The following GRM1 variants were observed in gnomAD, a reference collection of about 807,000 sequenced individuals.
GRM1 encodes the protein glutamate metabotropic receptor 1, also known as metabotropic glutamate receptor 1.
Under a neutral mutation model 90.9 loss-of-function variants are expected in GRM1, and 33 were observed. The observed-to-expected ratio is 0.36, with a 90% CI of 0.28 to 0.49. The LOEUF is 0.49. GRM1 is among the 20% of genes least tolerant of loss of function. The pLI is 0.99. For missense variants in GRM1, 1,190 were observed against 1,534.3 expected (o/e 0.78, Z 3.75); for synonymous variants, 700 against 613.2 (o/e 1.14, Z -2.09).
At chr6:146,196,815 A>G (rs1370979902) in intron 2 of GRM1, among the ~76,000 whole-genome samples, 3 of 152,154 alleles carry the variant, frequency 2.0e-5, no homozygotes, top group Non-Finnish European at 2.9e-5. Flanking sequence ...TTTATATATA[A>G]TAATTGTGAA....
intron 1 of GRM1, among the ~76,000 whole-genome samples, chr6:146,135,683 T>TA (rs1776592215): frequency 6.6e-6 from 1 of 152,178 alleles, no homozygotes; most frequent in South Asian, 2.1e-4. Context: ...AGGGTATATA[T>TA]TTATGGAGTA....
intron 5 of GRM1, among the ~76,000 whole-genome samples, chr6:146,377,458 T>C (rs540497086): frequency 1.9e-4 from 29 of 152,302 alleles, no homozygotes; most frequent in Non-Finnish European, 3.8e-4. Flanking sequence ...GGTGGCGTTA[T>C]GTCCTTGCCC....
intron 2 of GRM1, among the ~76,000 whole-genome samples, chr6:146,253,641 T>A (rs1387478875): frequency 6.6e-6 from 1 of 152,176 alleles, no homozygotes; most frequent in Non-Finnish European, 1.5e-5. Context: ...CACCCTAAGC[T>A]GTATTTTTTT....
Position 146,314,146 on chromosome 6 carries a change from G to A in GRM1, c.1186+9300G>A, listed in dbSNP as rs554524762. 4.7e-5 allele frequency among the ~76,000 whole-genome samples: 6 copies of A among 128,734 alleles called. No homozygotes were observed. The South Asian group carries it at 1.2e-3, about 27-fold the overall frequency. The allele number at this position is 128,734 out of a possible 152,430, so 84.5% of individuals were successfully genotyped here. A position where few individuals can be genotyped will look rare whatever the true frequency, so the allele number is the denominator to read the frequency against. On this transcript the variant is annotated intron_variant, in intron 3 of 7. Coordinates refer to ENST00000282753, the MANE Select transcript of GRM1 (RefSeq NM_001278064.2). ...CAATAGCTGGATCTTGGCTCATTGC[G>A]ACCTCTGCCTCCCAGGTTCAAGCGA...
At chr6:146,364,338 T>C (rs545805864) in intron 5 of GRM1, among the ~76,000 whole-genome samples, 1 of 152,326 alleles carries the variant, frequency 6.6e-6, no homozygotes, top group South Asian at 2.1e-4. Flanking sequence ...TTGAATATGA[T>C]AGCAAGAGAA....
Position 146,375,292 on chromosome 6 carries a change from G to A in GRM1, c.1603-11598G>A, listed in dbSNP as rs577457013. 1.6e-4 allele frequency among the ~76,000 whole-genome samples: 25 copies of A among 152,068 alleles called. 1 individual carries two copies. In the South Asian group the frequency reaches 5.0e-3, roughly 30 times the overall value. ...ATTAATACTTGTTTTGTGACATAAT[G>A]TATGATCTATCCTTGATAATGACTC... On this transcript the variant is annotated intron_variant, in intron 5 of 7. Coordinates refer to ENST00000282753, the MANE Select transcript of GRM1 (RefSeq NM_001278064.2).
intron 5 of GRM1, among the ~76,000 whole-genome samples, chr6:146,379,168 C>T (rs1009110117): frequency 7.2e-5 from 11 of 152,080 alleles, no homozygotes; most frequent in African/African-American, 1.9e-4. Context: ...TACTTTCAAA[C>T]CCTATCTCTT....
intron 1 of GRM1, among the ~76,000 whole-genome samples, chr6:146,099,939 C>G (rs905804149): frequency 6.6e-6 from 1 of 152,186 alleles, no homozygotes; most frequent in Non-Finnish European, 1.5e-5. Context: ...GGCTAGAAAA[C>G]ACCACACTGT....
At chr6:146,332,490 G>T (rs1322175911) in intron 3 of GRM1, among the ~76,000 whole-genome samples, 1 of 152,146 alleles carries the variant, frequency 6.6e-6, no homozygotes, top group Non-Finnish European at 1.5e-5. Context: ...GACCTCTCTG[G>T]CAACAATGGA....
chr6:146,212,587 C>G (rs9497484), intron 2 of GRM1, among the ~76,000 whole-genome samples: 31,339 of 152,052 alleles, frequency 0.21, 7,103 homozygotes, highest in African/African-American at 0.57. Context: ...TCTTTTTAGT[C>G]TTAATAGGGG....
At chr6:146,209,884 T>G (rs1300426105) in intron 2 of GRM1, among the ~76,000 whole-genome samples, 1 of 152,126 alleles carries the variant, frequency 6.6e-6, no homozygotes, top group African/African-American at 2.4e-5. Context: ...GAAATAAGCC[T>G]TCCAGGTTTA....
intron 3 of GRM1, among the ~76,000 whole-genome samples, chr6:146,345,710 A>G (rs934532483): frequency 5.9e-5 from 9 of 151,720 alleles, no homozygotes; most frequent in Admixed American, 5.9e-4. Context: ...CTATGAGCAT[A>G]GATCTGCCTT....
intron 1 of GRM1, among the ~76,000 whole-genome samples, chr6:146,060,275 G>A (rs1775618262): frequency 6.6e-6 from 1 of 151,894 alleles, no homozygotes; most frequent in Non-Finnish European, 1.5e-5. Flanking sequence ...AGGCTCAGGT[G>A]TACATGTGTA....
chr6:146,185,001 T>A (rs1778678275), intron 2 of GRM1, among the ~76,000 whole-genome samples: 1 of 152,218 alleles, frequency 6.6e-6, no homozygotes, highest in Admixed American at 6.5e-5. Context: ...AGTAAAATGT[T>A]AGTAACAAAC....
At position 146,223,093 on chromosome 6, in the gene GRM1, T is replaced by C. The variant is rs533670749; in HGVS notation, c.950+63496T>C. 5.3e-5 allele frequency among the ~76,000 whole-genome samples: 8 copies of C among 152,094 alleles called. No homozygotes were observed. In the East Asian group the frequency reaches 1.2e-3, roughly 22 times the overall value. ...AGTAAAGCCAGCTGTAAGCAACATA[T>C]AGCTGTAAGCAACTTACAGCTGGCT... is the stretch of plus-strand genomic sequence containing the variant. On this transcript the variant is annotated intron_variant, in intron 2 of 7. Coordinates refer to ENST00000282753, the MANE Select transcript of GRM1 (RefSeq NM_001278064.2).
chr6:146,162,563 C>G lies in GRM1; in HGVS notation c.950+2966C>G, dbSNP rs6942340. Among the ~76,000 whole-genome samples the G allele has an allele frequency of 9.9e-3, 1,509 of 152,214 alleles. 22 individuals are homozygous for G. The highest frequency in any genetic ancestry group is 0.034 in the African/African-American group (1,429 of 41,526). On this transcript the variant is annotated intron_variant, in intron 2 of 7. Coordinates refer to ENST00000282753, the MANE Select transcript of GRM1 (RefSeq NM_001278064.2). Reference sequence around the variant, plus strand: ...GGCCATCTAGTCTTAACATAGAAGGCAAAGTGATCTTCTAAGAAATTAAGT... The same window carrying G: ...GGCCATCTAGTCTTAACATAGAAGGGAAAGTGATCTTCTAAGAAATTAAGT...
In GRM1 at chr6:146,174,556, A is replaced by C. The variant is rs569711464; in HGVS notation, c.950+14959A>C. 6.6e-5 allele frequency among the ~76,000 whole-genome samples: 10 copies of C among 152,348 alleles called. No homozygotes were observed. In the South Asian group the frequency reaches 2.1e-3, roughly 32 times the overall value. On this transcript the variant is annotated intron_variant, in intron 2 of 7. Transcript: ENST00000282753. ...TAGAATATTGAAAATTATTATATCT[A>C]TGTACTGAGTTTGGTCACTACATAC...
chr6:146,355,802 T>C (rs1359120225), intron 4 of GRM1, among the ~76,000 whole-genome samples: 1 of 152,060 alleles, frequency 6.6e-6, no homozygotes, highest in African/African-American at 2.4e-5. Flanking sequence ...AGAGAAAGAA[T>C]TGCAGGAAGG....
intron 1 of GRM1, among the ~76,000 whole-genome samples, chr6:146,064,063 T>G (rs554919418): frequency 2.6e-5 from 4 of 152,168 alleles, no homozygotes; most frequent in Non-Finnish European, 5.9e-5. Flanking sequence ...TCTGAAAATA[T>G]ACCAATTGCC....
Sources: gnomAD v4.1 joint callset for allele counts (sites outside exome capture counted in the v4.1 genomes callset) on GRCh38, gnomAD v4.1.1 for gene constraint, MANE v1.5 for transcripts, NCBI Gene and HGNC (gene_info 2026-07-23, HGNC 2026-07-21) for gene names.